Variants in ABLIM2 observed in about 807,000 individuals in gnomAD.
The protein encoded by ABLIM2 is actin binding LIM protein family member 2, also known as actin-binding LIM protein 2.
In ABLIM2, 53 loss-of-function variants were observed where a neutral mutation model predicts 97.7. That is an observed-to-expected ratio of 0.54 (90% CI 0.44 to 0.68). The LOEUF is 0.68. Ranked by LOEUF, ABLIM2 falls within the 30% of genes least tolerant of loss-of-function variation. The pLI, the probability that ABLIM2 is intolerant of heterozygous loss-of-function variation, is 0.00. For missense variants in ABLIM2, 835 were observed against 867.2 expected, an observed-to-expected ratio of 0.96 and a Z score of 0.47; for synonymous variants, 361 against 345.8, an observed-to-expected ratio of 1.04 and a Z score of -0.49.
chr4:8,055,732 G>T (rs1311383082), intron 7 of ABLIM2, among the ~76,000 whole-genome samples: 1 of 152,228 alleles, frequency 6.6e-6, no homozygotes, highest in Non-Finnish European at 1.5e-5. Context: ...GCAACTCGAA[G>T]CTCTGAGAGA....
chr4:8,053,609 C>T (rs1797321044), intron 8 of ABLIM2, among the ~76,000 whole-genome samples: 1 of 152,194 alleles, frequency 6.6e-6, no homozygotes, highest in Non-Finnish European at 1.5e-5. Flanking sequence ...GAGAAAAGCT[C>T]AGCAGGCCAG....
At chr4:8,057,074 TCTTTC>T (rs1030591898) in intron 7 of ABLIM2, among the ~76,000 whole-genome samples, 1 of 151,052 alleles carries the variant, frequency 6.6e-6, no homozygotes, top group African/African-American at 2.4e-5. Context: ...CTTTCTTTTT[TCTTTC>T]CTTTTCTTTT....
At position 8,148,967 on chromosome 4, in the gene ABLIM2, G is replaced by A. The variant is rs1019315575; in HGVS notation, c.10+9713C>T. ...ACCAGGGAGAGTCCAGCTGTGCCAAGGCCCAGGGTCCCCAGACACTACGGA... is the reference window on the plus strand; with the variant it reads ...ACCAGGGAGAGTCCAGCTGTGCCAAAGCCCAGGGTCCCCAGACACTACGGA... On this transcript the variant is annotated intron_variant, in intron 1 of 20. Coordinates refer to ENST00000447017, the MANE Select transcript of ABLIM2 (RefSeq NM_001130083.2). The surrounding 1 kb of genome is among the most constrained non-coding windows in gnomAD (Gnocchi z 6.7). Among the ~76,000 whole-genome samples, 2 of 152,216 alleles carry A rather than the reference G, an allele frequency of 1.3e-5. No homozygotes were observed. The highest frequency in any genetic ancestry group is 2.9e-5 in the Non-Finnish European group (2 of 68,022).
chr4:7,993,001 C>T (rs932969998), intron 16 of ABLIM2, 74 bp from the exon 17 acceptor site: 22 of 1,527,754 alleles, frequency 1.4e-5, no homozygotes, highest in Non-Finnish European at 2.0e-5. Context: ...CCTGGGGGGG[C>T]TTCCCACCGG....
At chr4:7,984,950 T>C (rs899414233) in intron 17 of ABLIM2, 57 bp from the exon 18 acceptor site, 3 of 1,569,402 alleles carry the variant, frequency 1.9e-6, no homozygotes, top group African/African-American at 1.3e-5. Flanking sequence ...GGTGTGTGGA[T>C]GGGCAGGGAC....
At chr4:8,011,790 C>G (rs1578597863) in intron 14 of ABLIM2, among the ~76,000 whole-genome samples, 1 of 152,200 alleles carries the variant, frequency 6.6e-6, no homozygotes, top group South Asian at 2.1e-4. Flanking sequence ...GGCTGGCTTT[C>G]TACTCCCTGT....
intron 6 of ABLIM2, among the ~76,000 whole-genome samples, chr4:8,070,625 G>A (rs1811323085): frequency 6.6e-6 from 1 of 152,096 alleles, no homozygotes; most frequent in Non-Finnish European, 1.5e-5. Context: ...CCTGACCCAG[G>A]GCAGAGAGAG....
At chr4:8,079,807 A>G (rs2152433641) in intron 5 of ABLIM2, among the ~76,000 whole-genome samples, 1 of 152,260 alleles carries the variant, frequency 6.6e-6, no homozygotes, top group South Asian at 2.1e-4. Context: ...GTTTTATCAC[A>G]GGGCGTTTTT....
intron 17 of ABLIM2, among the ~76,000 whole-genome samples, chr4:7,991,942 A>G (rs555859294): frequency 5.9e-5 from 9 of 152,296 alleles, no homozygotes; most frequent in East Asian, 3.9e-4. Flanking sequence ...ACACACAGCC[A>G]CGGCTGCTCC....
At chr4:8,154,557 G>C (rs1270813371) in intron 1 of ABLIM2, among the ~76,000 whole-genome samples, 1 of 152,182 alleles carries the variant, frequency 6.6e-6, no homozygotes, top group Non-Finnish European at 1.5e-5. Context: ...TGGGATTACA[G>C]GCGTAAGCCA....
chr4:8,070,220 G>T (rs1811020218), intron 6 of ABLIM2, among the ~76,000 whole-genome samples: 1 of 150,528 alleles, frequency 6.6e-6, no homozygotes, highest in African/African-American at 2.4e-5. Context: ...GTGACCGCGT[G>T]TGTCTGTGTT....
intron 1 of ABLIM2, among the ~76,000 whole-genome samples, chr4:8,144,175 C>G (rs774619581): frequency 6.6e-6 from 1 of 152,244 alleles, no homozygotes; most frequent in Non-Finnish European, 1.5e-5. Context: ...GGGATCAAAG[C>G]ACCCAGCAGA....
rs1342648141 is a variant in ABLIM2, at chr4:8,061,521, G to A, written c.676-467C>T. Among the ~76,000 whole-genome samples, 10 of 152,114 alleles carry A rather than the reference G, an allele frequency of 6.6e-5. No homozygotes were observed. Among genetic ancestry groups the A allele is most frequent in the Non-Finnish European group, 1.5e-4 (10 of 68,022 alleles). ...TGAATACTTTCCTTTTCACATCTCT[G>A]TATTGCTCAGTATGTTCAATGAGCA... On this transcript the variant is annotated intron_variant, in intron 6 of 20. Transcript: ENST00000447017. This position sits in a 1 kb window ranked among gnomAD's most constrained non-coding sequence, Gnocchi z 4.5.
chr4:8,088,568 G>C (rs770776643), intron 3 of ABLIM2, among the ~76,000 whole-genome samples: 3 of 152,242 alleles, frequency 2.0e-5, no homozygotes, highest in African/African-American at 7.2e-5. Context: ...GGCCAGCCCA[G>C]TGCTTGGCAC....
intron 16 of ABLIM2, chr4:8,007,767 C>T (rs1327141554): frequency 8.5e-7 from 1 of 1,176,668 alleles, no homozygotes. Flanking sequence ...TTCTCCTAAA[C>T]AGCCCAGGAG....
chr4:8,055,179 T>C (rs1489730295), intron 7 of ABLIM2, among the ~76,000 whole-genome samples: 1 of 152,166 alleles, frequency 6.6e-6, no homozygotes, highest in Non-Finnish European at 1.5e-5. Context: ...TGCATACAAA[T>C]GTTAGTTGCA....
chr4:8,153,872 C>T (rs1240838281), intron 1 of ABLIM2, among the ~76,000 whole-genome samples: 3 of 152,158 alleles, frequency 2.0e-5, no homozygotes, highest in Non-Finnish European at 2.9e-5. Context: ...CGGCACTTCC[C>T]GACATTGCCT....
chr4:8,035,497 G>A (rs968543080), intron 10 of ABLIM2, among the ~76,000 whole-genome samples: 1 of 152,210 alleles, frequency 6.6e-6, no homozygotes, highest in Non-Finnish European at 1.5e-5. Flanking sequence ...CACACACTCG[G>A]GCCAACAGCC....
chr4:7,969,806 C>A (rs1169441801), intron 20 of ABLIM2, among the ~76,000 whole-genome samples: 2 of 150,280 alleles, frequency 1.3e-5, no homozygotes, highest in East Asian at 4.1e-4. Context: ...AGGCCCTCAG[C>A]CGCCTGCTGC....
Sources: gnomAD v4.1 joint callset for allele counts (sites outside exome capture counted in the v4.1 genomes callset) on GRCh38, gnomAD v4.1.1 for gene constraint, Gnocchi (gnomAD v3.1) non-coding constraint, MANE v1.5 for transcripts, NCBI Gene and HGNC (gene_info 2026-07-23, HGNC 2026-07-21) for gene names.